The following CACHD1 variants were observed in gnomAD, a reference collection of about 807,000 sequenced individuals.
The protein encoded by CACHD1 is cache domain containing 1.
In CACHD1, 71 loss-of-function variants were observed where a neutral mutation model predicts 138.7. The observed-to-expected ratio is 0.51, with a 90% CI of 0.42 to 0.62. The LOEUF (loss-of-function observed/expected upper bound fraction) is 0.62. CACHD1 is among the 20% of genes least tolerant of loss of function. The probability of loss-of-function intolerance (pLI) is 0.00; values close to 1 mark genes in which losing one functional copy is unlikely to be tolerated. For synonymous variants in CACHD1, 578 were observed against 591.5 expected (o/e 0.98, Z 0.33); for missense variants, 1,389 against 1,625.3 (o/e 0.85, Z 2.50).
At chr1:64,653,386 T>TAA (rs60661882) in intron 10 of CACHD1, among the ~76,000 whole-genome samples, 13 of 108,466 alleles carry the variant, frequency 1.2e-4, no homozygotes, top group Non-Finnish European at 1.4e-4. Flanking sequence ...TAAAAGAAGT[T>TAA]AAAAAAAAAA....
At chr1:64,520,215 T>C (rs1646488338) in intron 1 of CACHD1, among the ~76,000 whole-genome samples, 1 of 152,240 alleles carries the variant, frequency 6.6e-6, no homozygotes, top group Non-Finnish European at 1.5e-5. Flanking sequence ...GCTACACTCT[T>C]ATTCATACAA....
intron 13 of CACHD1, 97 bp from the exon 14 acceptor site, chr1:64,663,598 C>T (rs774627524): frequency 7.1e-7 from 1 of 1,411,496 alleles, no homozygotes; most frequent in Non-Finnish European, 9.7e-7. Context: ...ATTAAGCCAC[C>T]ATAGCTGACA....
intron 23 of CACHD1, among the ~76,000 whole-genome samples, chr1:64,679,358 C>G (rs944372290): frequency 2.6e-5 from 4 of 152,152 alleles, no homozygotes; most frequent in South Asian, 2.1e-4. Context: ...CCCAGCAGTC[C>G]TTGCCATTTG....
At chr1:64,643,652 C>CAT (rs1557535961) in intron 8 of CACHD1, among the ~76,000 whole-genome samples, 2 of 152,050 alleles carry the variant, frequency 1.3e-5, no homozygotes, top group African/African-American at 4.8e-5. Context: ...CTGGCTAACA[C>CAT]GGTGAAACCC....
chr1:64,675,694 C>T (rs1033871420), intron 20 of CACHD1, 133 bp downstream of exon 20: 1 of 1,124,278 alleles, frequency 8.9e-7, no homozygotes, highest in African/African-American at 1.5e-5. Context: ...GTTACAAAGC[C>T]ACTTAGAGCT....
chr1:64,582,420 C>T lies in CACHD1; in HGVS notation c.410+116C>T, dbSNP rs1479436474. Reference sequence around the variant, plus strand: ...ATTGCAAATTGTGTAGCTTGTTTCCCACTATTTAAGATAAGCCCTTTATCT... The same window carrying T: ...ATTGCAAATTGTGTAGCTTGTTTCCTACTATTTAAGATAAGCCCTTTATCT... On this transcript the variant is annotated intron_variant, in intron 3 of 26. Coordinates refer to ENST00000651257, the MANE Select transcript of CACHD1 (RefSeq NM_020925.4). The T allele has an allele frequency of 4.2e-6, 4 of 941,442 alleles. No individual in the cohort carries two copies. The East Asian group carries it at 7.5e-5, about 18-fold the overall frequency. 58.3% of individuals were successfully genotyped at this position (941,442 alleles called of 1,614,324 possible). A position where few individuals can be genotyped will look rare whatever the true frequency, so the allele number is the denominator to read the frequency against.
chr1:64,663,561 A>T, intron 13 of CACHD1, 134 bp from the exon 14 acceptor site: 1 of 1,200,342 alleles, frequency 8.3e-7, no homozygotes. Context: ...AAAAAAAAAA[A>T]AAAAGAAAAA....
At chr1:64,564,476 A>G (rs1008063965) in intron 2 of CACHD1, among the ~76,000 whole-genome samples, 1 of 151,912 alleles carries the variant, frequency 6.6e-6, no homozygotes, top group Non-Finnish European at 1.5e-5. Context: ...TGAGGCTCCT[A>G]TTTTGTGAGA....
At chr1:64,572,874 C>T (rs1239193715) in intron 2 of CACHD1, among the ~76,000 whole-genome samples, 2 of 152,154 alleles carry the variant, frequency 1.3e-5, no homozygotes, top group African/African-American at 4.8e-5. Context: ...TCAGACTACC[C>T]TGAAGTCTCC....
At chr1:64,507,642 G>T (rs1373931727) in intron 1 of CACHD1, among the ~76,000 whole-genome samples, 1 of 152,188 alleles carries the variant, frequency 6.6e-6, no homozygotes, top group East Asian at 1.9e-4. Flanking sequence ...TGGAAACTCA[G>T]GTTGTATTAG....
chr1:64,543,912 G>A (rs1331816653), intron 1 of CACHD1, among the ~76,000 whole-genome samples: 1 of 111,004 alleles, frequency 9.0e-6, no homozygotes, highest in African/African-American at 3.4e-5. Context: ...GCTTCGCCAT[G>A]TCAGCCATGT....
intron 2 of CACHD1, among the ~76,000 whole-genome samples, chr1:64,556,578 A>C (rs1646798685): frequency 1.3e-5 from 2 of 152,222 alleles, no homozygotes; most frequent in African/African-American, 4.8e-5. Flanking sequence ...AGGAAATCTA[A>C]CATGTTGTTA....
At chr1:64,513,710 A>G (rs995472818) in intron 1 of CACHD1, among the ~76,000 whole-genome samples, 1 of 152,178 alleles carries the variant, frequency 6.6e-6, no homozygotes, top group Non-Finnish European at 1.5e-5. Context: ...GAAATGAGTA[A>G]AGTAGGCCTT....
chr1:64,475,075 A>G (rs1446644905), intron 1 of CACHD1, among the ~76,000 whole-genome samples: 1 of 152,254 alleles, frequency 6.6e-6, no homozygotes, highest in African/African-American at 2.4e-5. Flanking sequence ...AGAAGTGTCA[A>G]AGATATAAAG....
chr1:64,597,529 T>G lies in CACHD1; in HGVS notation c.411-5277T>G, dbSNP rs1459608916. On this transcript the variant is annotated intron_variant, in intron 3 of 26. Transcript: ENST00000651257. ...AAGGAAGTTTTTTTTTTGTTGTTTT[T>G]TTTTTTTTTTTTTTTTTTTTTAACT... Among the ~76,000 whole-genome samples the G allele has an allele frequency of 3.8e-3, 549 of 145,734 alleles. 4 individuals are homozygous for G. The highest frequency in any genetic ancestry group is 0.013 in the African/African-American group (509 of 39,492).
At chr1:64,545,207 A>G (rs1162678490) in intron 1 of CACHD1, among the ~76,000 whole-genome samples, 1 of 152,222 alleles carries the variant, frequency 6.6e-6, no homozygotes, top group African/African-American at 2.4e-5. Context: ...ACTACCTAGA[A>G]TGTATGTTTA....
chr1:64,470,161 T>C lies in CACHD1; in HGVS notation c.-584T>C, dbSNP rs1302345881. On this transcript the variant is annotated 5_prime_UTR_variant, in exon 1 of 27. Coordinates refer to ENST00000651257, the MANE Select transcript of CACHD1 (RefSeq NM_020925.4). The surrounding 1 kb of genome is among the most constrained non-coding windows in gnomAD (Gnocchi z 5.2). ...AAGTGCACAGAGCCGGAGCGCAGCG[T>C]GGTGGCACCAGACGCCTCCCTTTCC... 2.0e-5 allele frequency among the ~76,000 whole-genome samples: 3 copies of C among 151,916 alleles called. No individual in the cohort carries two copies. Among genetic ancestry groups the C allele is most frequent in the East Asian group, 3.9e-4 (2 of 5,100 alleles).
At chr1:64,680,980 A>G (rs1650154496) in intron 24 of CACHD1, among the ~76,000 whole-genome samples, 1 of 152,186 alleles carries the variant, frequency 6.6e-6, no homozygotes, top group Non-Finnish European at 1.5e-5. Flanking sequence ...GTACTTTAGT[A>G]GAGGATTAAA....
At chr1:64,672,226 T>C (rs1390209091) in intron 17 of CACHD1, among the ~76,000 whole-genome samples, 1 of 152,238 alleles carries the variant, frequency 6.6e-6, no homozygotes, top group Admixed American at 6.5e-5. Context: ...TTCCACCTCA[T>C]GGTTCATGCT....
Sources: gnomAD v4.1 joint callset for allele counts (sites outside exome capture counted in the v4.1 genomes callset) on GRCh38, gnomAD v4.1.1 for gene constraint, Gnocchi (gnomAD v3.1) non-coding constraint, MANE v1.5 for transcripts, NCBI Gene and HGNC (gene_info 2026-07-23, HGNC 2026-07-21) for gene names.